Variants in FGF13 observed in about 807,000 individuals in gnomAD.
FGF13 encodes the protein fibroblast growth factor homologous factor 2.
In FGF13, 2 loss-of-function variants were observed where a neutral mutation model predicts 19.5. The observed-to-expected ratio is 0.10, with a 90% CI of 0.04 to 0.32. The LOEUF is 0.32. FGF13 is among the 10% of genes least tolerant of loss of function. FGF13 has a pLI of 1.00. For synonymous variants in FGF13, 72 were observed against 76.9 expected, an observed-to-expected ratio of 0.94 and a Z score of 0.33; for missense variants, 113 against 192.7, an observed-to-expected ratio of 0.59 and a Z score of 2.45.
At chrX:138,811,842 A>G (rs2090927947) in intron 3 of FGF13, among the ~76,000 whole-genome samples, 1 of 110,895 alleles carries the variant, frequency 9.0e-6, no homozygotes, top group African/African-American at 3.3e-5. Flanking sequence ...CACAAAAACT[A>G]AACTTTACCC....
At chrX:138,846,067 G>C (rs2124117604) in intron 3 of FGF13, among the ~76,000 whole-genome samples, 1 of 111,105 alleles carries the variant, frequency 9.0e-6, no homozygotes, top group South Asian at 3.9e-4. Flanking sequence ...TCTGGGCTTT[G>C]TTGGGCTGGA....
At chrX:139,065,780 A>G (rs1470610155) in intron 1 of FGF13, among the ~76,000 whole-genome samples, 1 of 111,215 alleles carries the variant, frequency 9.0e-6, no homozygotes, top group Non-Finnish European at 1.9e-5. Flanking sequence ...GAAAATTAAC[A>G]AGGATATCCA....
In FGF13 at chrX:139,176,380, G is replaced by GTT. The variant is rs36133825; in HGVS notation, c.-113+27034_-113+27035dup. 2.6e-4 allele frequency among the ~76,000 whole-genome samples: 23 copies of GTT among 88,996 alleles called. 1 individual carries two copies. The highest frequency in any genetic ancestry group is 1.0e-3 in the South Asian group (2 of 1,982). 77.3% of individuals were successfully genotyped at this position (88,996 alleles called of 115,157 possible). ...CCTGGATTCACTGATTTTTTGAAGG[G>GTT]TTTTTTTTTTTTTTTTGTCTCTATC... On this transcript the variant is annotated intron_variant, in intron 1 of 2. Transcript: ENST00000421460.
chrX:139,103,184 C>T (rs1253786773), intron 1 of FGF13, among the ~76,000 whole-genome samples: 1 of 112,085 alleles, frequency 8.9e-6, no homozygotes, highest in East Asian at 2.8e-4. Flanking sequence ...ATAATGAGAG[C>T]TGTACTTTCA....
intron 3 of FGF13, among the ~76,000 whole-genome samples, chrX:138,789,679 C>T (rs1436911968): frequency 9.1e-6 from 1 of 110,350 alleles, no homozygotes; most frequent in African/African-American, 3.3e-5. Flanking sequence ...GTATCAGAAC[C>T]CACCTCTTAG....
At chrX:138,924,737 C>T (rs781725061) in intron 1 of FGF13, among the ~76,000 whole-genome samples, 10 of 109,068 alleles carry the variant, frequency 9.2e-5, no homozygotes, top group African/African-American at 3.4e-4. Context: ...GCTCACTCAA[C>T]TGCCACACAG....
intron 1 of FGF13, among the ~76,000 whole-genome samples, chrX:138,946,775 T>C (rs2091783683): frequency 8.9e-6 from 1 of 111,847 alleles, no homozygotes; most frequent in Non-Finnish European, 1.9e-5. Context: ...AAATAATCTA[T>C]CCTTACAAAC....
chrX:138,909,068 A>T (rs1250715481), intron 1 of FGF13, among the ~76,000 whole-genome samples: 2 of 112,232 alleles, frequency 1.8e-5, no homozygotes, highest in Admixed American at 1.9e-4. Flanking sequence ...CTGCTTAGAC[A>T]TGCTAAATGT....
intron 3 of FGF13, among the ~76,000 whole-genome samples, chrX:138,672,521 C>T (rs147113158): frequency 0.036 from 4,015 of 111,432 alleles, 86 homozygotes; most frequent in Non-Finnish European, 0.058. Context: ...ATGGGGTTGC[C>T]GCTTATTGAG....
At chrX:138,668,110 A>T (rs2089572147) in intron 3 of FGF13, among the ~76,000 whole-genome samples, 2 of 111,995 alleles carry the variant, frequency 1.8e-5, no homozygotes, top group Admixed American at 9.5e-5. Flanking sequence ...TGTAACGGCA[A>T]ATAATATGAA....
At chrX:138,994,421 TG>T (rs2092032713) in intron 1 of FGF13, among the ~76,000 whole-genome samples, 2 of 111,647 alleles carry the variant, frequency 1.8e-5, no homozygotes, top group South Asian at 7.6e-4. Flanking sequence ...ATGAATTTTG[TG>T]GGCAAACATC....
intron 1 of FGF13, among the ~76,000 whole-genome samples, chrX:139,035,340 G>C (rs2092247152): frequency 9.0e-6 from 1 of 110,984 alleles, no homozygotes; most frequent in Non-Finnish European, 1.9e-5. Context: ...TTCAACGTTA[G>C]CTACATATTA....
intron 1 of FGF13, among the ~76,000 whole-genome samples, chrX:139,121,674 T>C (rs1461923072): frequency 9.0e-6 from 1 of 111,235 alleles, no homozygotes; most frequent in Non-Finnish European, 1.9e-5. Context: ...ATTATAGATA[T>C]GAGTCACCAC....
At chrX:138,998,919 G>A (rs1213002055) in intron 1 of FGF13, among the ~76,000 whole-genome samples, 3 of 111,976 alleles carry the variant, frequency 2.7e-5, no homozygotes, top group Non-Finnish European at 5.6e-5. Flanking sequence ...TTCCAAAATT[G>A]ATCACATAGT....
At chrX:138,956,180 T>C (rs1177717133) in intron 1 of FGF13, among the ~76,000 whole-genome samples, 1 of 111,616 alleles carries the variant, frequency 9.0e-6, no homozygotes, top group East Asian at 2.8e-4. Context: ...AGTGTGTCTG[T>C]GGGAGGCCAA....
intron 1 of FGF13, among the ~76,000 whole-genome samples, chrX:138,942,932 A>C (rs2091765645): frequency 9.0e-6 from 1 of 111,489 alleles, no homozygotes; most frequent in Non-Finnish European, 1.9e-5. Flanking sequence ...ACAAGACCGA[A>C]AAATTTTATT....
intron 1 of FGF13, among the ~76,000 whole-genome samples, chrX:138,984,332 C>T (rs1018783362): frequency 9.3e-6 from 1 of 107,215 alleles, no homozygotes; most frequent in Admixed American, 1.0e-4. Flanking sequence ...CGCTTGAACC[C>T]GGGAGGCGGA....
chrX:139,177,421 A>G (rs1357533866), intron 1 of FGF13, among the ~76,000 whole-genome samples: 2 of 110,326 alleles, frequency 1.8e-5, no homozygotes, highest in Non-Finnish European at 3.8e-5. Context: ...GCCCATTTAC[A>G]TTTAAGGTTA....
chrX:138,921,870 G>C (rs150064922), intron 1 of FGF13, among the ~76,000 whole-genome samples: 1,050 of 104,129 alleles, frequency 0.01, 5 homozygotes, highest in Non-Finnish European at 0.015. Flanking sequence ...TTATGAGGTA[G>C]AACCCATGCT....
Sources: gnomAD v4.1 joint callset for allele counts (sites outside exome capture counted in the v4.1 genomes callset) on GRCh38, gnomAD v4.1.1 for gene constraint, MANE v1.5 for transcripts, NCBI Gene and HGNC (gene_info 2026-07-23, HGNC 2026-07-21) for gene names.